Variants in PAWR observed in about 807,000 individuals in gnomAD.
PAWR encodes PRKC apoptosis WT1 regulator protein.
In PAWR, 23 loss-of-function variants were observed where a neutral mutation model predicts 32.0. The ratio of observed to expected loss-of-function variants is 0.72; its 90% CI spans 0.52 to 1.02. PAWR has a LOEUF of 1.02. Among genes scored for constraint, PAWR ranks in the 50% least tolerant of loss-of-function variants. The probability of loss-of-function intolerance (pLI) is 0.00; values close to 1 mark genes in which losing one functional copy is unlikely to be tolerated. For missense variants in PAWR, 457 were observed against 437.7 expected, an observed-to-expected ratio of 1.04 and a Z score of -0.39; for synonymous variants, 226 against 187.1, an observed-to-expected ratio of 1.21 and a Z score of -1.70.
chr12:79,686,608 C>T (rs1210623491), intron 2 of PAWR, among the ~76,000 whole-genome samples: 1 of 152,146 alleles, frequency 6.6e-6, no homozygotes, highest in Non-Finnish European at 1.5e-5. Flanking sequence ...TCCTAACATG[C>T]TATCAATGTG....
At chr12:79,644,038 C>A (rs2136780531) in intron 2 of PAWR, among the ~76,000 whole-genome samples, 2 of 152,236 alleles carry the variant, frequency 1.3e-5, no homozygotes, top group East Asian at 3.9e-4. Context: ...TCAAATCAAA[C>A]ATTAACATAC....
At chr12:79,665,406 C>A (rs1309361929) in intron 2 of PAWR, among the ~76,000 whole-genome samples, 4 of 152,178 alleles carry the variant, frequency 2.6e-5, no homozygotes, top group Admixed American at 1.3e-4. Flanking sequence ...CCACATCTAA[C>A]CCACATTAAA....
chr12:79,647,068 G>A (rs1306046277), intron 2 of PAWR, among the ~76,000 whole-genome samples: 3 of 151,696 alleles, frequency 2.0e-5, no homozygotes. Context: ...TCAGCTACTT[G>A]GGAGGCTGAG....
At chr12:79,641,148 A>C (rs1017364110) in intron 2 of PAWR, among the ~76,000 whole-genome samples, 2 of 152,198 alleles carry the variant, frequency 1.3e-5, no homozygotes, top group African/African-American at 4.8e-5. Context: ...TTATACAGAA[A>C]GGCAATTGGT....
At position 79,590,359 on chromosome 12, in the gene PAWR, A is replaced by C. The variant is rs1873515391; in HGVS notation, c.*2248T>G. ...CAGGATTACAGGCATGCGCCACCAC[A>C]CCTGGCTAATTTTGTATTTTTAGTA... On this transcript the variant is annotated 3_prime_UTR_variant, in exon 7 of 7. Coordinates refer to ENST00000328827, the MANE Select transcript of PAWR (RefSeq NM_002583.4). The C allele has an allele frequency of 6.6e-6, 1 of 151,876 alleles. No individual in the cohort carries two copies. The highest frequency in any genetic ancestry group is 1.5e-5 in the Non-Finnish European group (1 of 68,014). 9.4% of individuals were successfully genotyped at this position (151,876 alleles called of 1,614,324 possible).
At position 79,590,290 on chromosome 12, in the gene PAWR, C is replaced by G. The variant is rs1873512465; in HGVS notation, c.*2317G>C. The G allele has an allele frequency of 6.6e-6, 1 of 151,052 alleles. No homozygotes were observed. Among genetic ancestry groups the G allele is most frequent in the Admixed American group, 6.6e-5 (1 of 15,106 alleles). The allele number at this position is 151,052 out of a possible 1,614,324, so 9.4% of individuals were successfully genotyped here. Reference sequence around the variant, plus strand: ...TCTCAGCTCACCGCAACCTCTGTCTCCTGGGTTTTCAAGCGATTCTCCTGC... The same window carrying G: ...TCTCAGCTCACCGCAACCTCTGTCTGCTGGGTTTTCAAGCGATTCTCCTGC... On this transcript the variant is annotated 3_prime_UTR_variant, in exon 7 of 7. Transcript: ENST00000328827.
At chr12:79,595,617 C>T (rs8176906) in intron 5 of PAWR, among the ~76,000 whole-genome samples, 38 of 152,240 alleles carry the variant, frequency 2.5e-4, no homozygotes, top group African/African-American at 8.7e-4. Flanking sequence ...GAAGCCGAGG[C>T]GGGTGGATCA....
intron 2 of PAWR, among the ~76,000 whole-genome samples, chr12:79,622,743 T>C (rs1286826170): frequency 6.6e-6 from 1 of 152,126 alleles, no homozygotes; most frequent in African/African-American, 2.4e-5. Context: ...AGAGTGGGGC[T>C]TGGGGAAACA....
Position 79,591,627 on chromosome 12 carries a change from T to A in PAWR, c.*980A>T, listed in dbSNP as rs1873559992. On this transcript the variant is annotated 3_prime_UTR_variant, in exon 7 of 7. Coordinates refer to ENST00000328827, the MANE Select transcript of PAWR (RefSeq NM_002583.4). ...AAATTTGAAATAGCGGAATATTCTC[T>A]CATATGAAAAAACTGTGTCCCAGTG... 6.6e-6 allele frequency: 1 copy of A among 152,116 alleles called. No homozygotes were observed. Among genetic ancestry groups the A allele is most frequent in the Non-Finnish European group, 1.5e-5 (1 of 67,986 alleles). 9.4% of individuals were successfully genotyped at this position (152,116 alleles called of 1,614,324 possible). A position where few individuals can be genotyped will look rare whatever the true frequency, so the allele number is the denominator to read the frequency against.
At chr12:79,631,781 T>C (rs1284472055) in intron 2 of PAWR, among the ~76,000 whole-genome samples, 2 of 152,112 alleles carry the variant, frequency 1.3e-5, no homozygotes, top group East Asian at 3.9e-4. Flanking sequence ...ATCAAACTGA[T>C]TCAAAATTTA....
At chr12:79,594,623 T>C (rs1421695978) in intron 5 of PAWR, among the ~76,000 whole-genome samples, 190 bp from the exon 6 acceptor site, 1 of 152,186 alleles carries the variant, frequency 6.6e-6, no homozygotes, top group Non-Finnish European at 1.5e-5. Flanking sequence ...ACAGGAGATA[T>C]TAGGATGCTC....
chr12:79,598,995 A>G (rs1873865516), intron 4 of PAWR, among the ~76,000 whole-genome samples: 1 of 152,232 alleles, frequency 6.6e-6, no homozygotes, highest in Non-Finnish European at 1.5e-5. Context: ...CCGGCCTCCC[A>G]AAGTGCAGGG....
chr12:79,619,850 A>T (rs1241348502), intron 3 of PAWR, among the ~76,000 whole-genome samples: 1 of 152,238 alleles, frequency 6.6e-6, no homozygotes, highest in East Asian at 1.9e-4. Context: ...GGCAAAGCAC[A>T]AACTGTTTTG....
At chr12:79,661,488 G>T (rs1238718928) in intron 2 of PAWR, among the ~76,000 whole-genome samples, 1 of 152,014 alleles carries the variant, frequency 6.6e-6, no homozygotes, top group African/African-American at 2.4e-5. Flanking sequence ...ATGGCTGTCT[G>T]CACCACTTGA....
rs997381514 is a variant in PAWR at position 79,689,712 on chromosome 12, G to A, written c.516+17C>T. On this transcript the variant is annotated intron_variant, in intron 2 of 6. Transcript: ENST00000328827. The stretch of plus-strand genomic sequence containing the variant: ...CCCGCCCCGGCCCGGTCCGGCTGCG[G>A]CCCCCGCCCGGCTCACCTCTGCGGC... 9.8e-6 allele frequency: 15 copies of A among 1,536,930 alleles called. No individual in the cohort carries two copies. The Admixed American group carries it at 2.6e-4, about 26-fold the overall frequency.
At chr12:79,611,451 G>A (rs1490852514) in intron 4 of PAWR, among the ~76,000 whole-genome samples, 1 of 150,814 alleles carries the variant, frequency 6.6e-6, no homozygotes, top group Non-Finnish European at 1.5e-5. Flanking sequence ...ATTCCCATTA[G>A]TCAGCAGACA....
chr12:79,641,076 T>C (rs184796493), intron 2 of PAWR, among the ~76,000 whole-genome samples: 13 of 152,354 alleles, frequency 8.5e-5, no homozygotes, highest in African/African-American at 2.9e-4. Flanking sequence ...GTTAGGTTCA[T>C]TTTAACTTTC....
chr12:79,596,460 A>T, intron 5 of PAWR, 51 bp downstream of exon 5: 1 of 908,228 alleles, frequency 1.1e-6, no homozygotes, highest in African/African-American at 1.7e-5. Flanking sequence ...AAACAAAAGA[A>T]TTCTAATGGT....
intron 5 of PAWR, among the ~76,000 whole-genome samples, chr12:79,596,196 G>A (rs564786884): frequency 2.0e-5 from 3 of 152,036 alleles, no homozygotes; most frequent in Admixed American, 2.0e-4. Context: ...CTTTTAAACA[G>A]GCATATTCTT....
Sources: gnomAD v4.1 joint callset for allele counts (sites outside exome capture counted in the v4.1 genomes callset) on GRCh38, gnomAD v4.1.1 for gene constraint, MANE v1.5 for transcripts, NCBI Gene and HGNC (gene_info 2026-07-23, HGNC 2026-07-21) for gene names.